Variants in ANAPC10 observed in about 807,000 individuals in gnomAD.
ANAPC10 encodes the protein anaphase-promoting complex subunit 10.
Under a neutral mutation model 22.0 loss-of-function variants are expected in ANAPC10, and 12 were observed. The ratio of observed to expected loss-of-function variants is 0.55; its 90% confidence interval spans 0.35 to 0.88. The LOEUF (loss-of-function observed/expected upper bound fraction) is 0.88. ANAPC10 is among the 40% of genes least tolerant of loss of function. The pLI is 0.01. For synonymous variants in ANAPC10, 65 were observed against 69.5 expected, an observed-to-expected ratio of 0.94 and a Z score of 0.32; for missense variants, 188 against 220.9, an observed-to-expected ratio of 0.85 and a Z score of 0.94.
At chr4:145,010,275 G>A (rs1039228581) in intron 4 of ANAPC10, among the ~76,000 whole-genome samples, 28 of 152,242 alleles carry the variant, frequency 1.8e-4, no homozygotes, top group Middle Eastern at 6.8e-3. Context: ...CAATTCCTCA[G>A]GGATCTAGAA....
chr4:145,092,404 T>C (rs1036284207), intron 2 of ANAPC10, among the ~76,000 whole-genome samples: 3 of 151,912 alleles, frequency 2.0e-5, no homozygotes, highest in African/African-American at 7.3e-5. Context: ...CCAGACAGCC[T>C]GAAATCCAGG....
In ANAPC10 at chr4:145,032,244, G is replaced by T. The variant is rs535357776; in HGVS notation, c.327+32328C>A. ...TAGGACATCCCTGAAGGACAGCGGT[G>T]AAAGGAAATCTTCCCAGTGGGCAGA... On this transcript the variant is annotated intron_variant, in intron 4 of 4. Transcript: ENST00000507656. 3.9e-5 allele frequency among the ~76,000 whole-genome samples: 6 copies of T among 152,350 alleles called. No homozygotes were observed. The East Asian group carries it at 9.6e-4, about 24-fold the overall frequency.
At chr4:145,044,924 G>A (rs1740068091) in intron 4 of ANAPC10, among the ~76,000 whole-genome samples, 1 of 151,810 alleles carries the variant, frequency 6.6e-6, no homozygotes, top group Non-Finnish European at 1.5e-5. Context: ...TGCCACATAA[G>A]TTGCACAGAG....
At chr4:145,007,864 C>G (rs981159937) in intron 4 of ANAPC10, among the ~76,000 whole-genome samples, 13 of 18,632 alleles carry the variant, frequency 7.0e-4, no homozygotes, top group South Asian at 5.9e-3. Context: ...CAAAAAAAAC[C>G]CTTCAAAAAA....
At chr4:145,035,271 G>T (rs1192858800) in intron 4 of ANAPC10, 2 of 152,150 alleles carry the variant, frequency 1.3e-5, no homozygotes, top group African/African-American at 2.4e-5. Context: ...TGTGTGCTTG[G>T]TCAAAGAGGA....
In ANAPC10 at chr4:145,081,767, T is replaced by C. The variant is rs754495302; in HGVS notation, c.116-17A>G. On this transcript the variant is annotated splice_polypyrimidine_tract_variant and intron_variant, in intron 2 of 4. Coordinates refer to ENST00000507656, the MANE Select transcript of ANAPC10 (RefSeq NM_001256706.2). ...CTCCAAATCCTAAAAACACCAAAAG[T>C]GTCAATAAATCCCTGTGAAAAAGAA... is the stretch of plus-strand genomic sequence containing the variant. The C allele has an allele frequency of 2.6e-6, 4 of 1,559,116 alleles. No individual in the cohort carries two copies. In the South Asian group the frequency reaches 3.4e-5, roughly 13 times the overall value.
At chr4:145,016,762 C>T (rs898893723) in intron 4 of ANAPC10, among the ~76,000 whole-genome samples, 2 of 152,080 alleles carry the variant, frequency 1.3e-5, no homozygotes, top group African/African-American at 4.8e-5. Flanking sequence ...GGTACTGGTA[C>T]CAAAACAGAT....
chr4:145,069,563 A>G (rs527281335), intron 3 of ANAPC10, among the ~76,000 whole-genome samples: 1 of 152,180 alleles, frequency 6.6e-6, no homozygotes, highest in Non-Finnish European at 1.5e-5. Flanking sequence ...TCCTCTTCAA[A>G]TACCTAAGAC....
chr4:145,057,708 C>T (rs941546458), intron 4 of ANAPC10, among the ~76,000 whole-genome samples: 4 of 152,164 alleles, frequency 2.6e-5, no homozygotes, highest in Middle Eastern at 3.2e-3. Context: ...ATCTCATTAT[C>T]TAAGTCCCTT....
At chr4:145,037,476 T>G (rs1738759580) in intron 4 of ANAPC10, among the ~76,000 whole-genome samples, 1 of 152,118 alleles carries the variant, frequency 6.6e-6, no homozygotes, top group Non-Finnish European at 1.5e-5. Flanking sequence ...AAACTAGCCT[T>G]TAAGTAAACG....
At chr4:145,040,838 G>A (rs1739401647) in intron 4 of ANAPC10, among the ~76,000 whole-genome samples, 1 of 152,178 alleles carries the variant, frequency 6.6e-6, no homozygotes, top group African/African-American at 2.4e-5. Flanking sequence ...ATGCTATAAA[G>A]AGATGTGGAA....
intron 3 of ANAPC10, among the ~76,000 whole-genome samples, chr4:145,068,385 C>A (rs320489): frequency 1.3e-5 from 2 of 151,976 alleles, no homozygotes; most frequent in South Asian, 4.1e-4. Flanking sequence ...CTAATAAACC[C>A]TAAGGTACAA....
chr4:145,084,724 G>A (rs1047647921), intron 2 of ANAPC10, among the ~76,000 whole-genome samples: 1 of 151,990 alleles, frequency 6.6e-6, no homozygotes, highest in Admixed American at 6.6e-5. Context: ...TGTCCAATAC[G>A]GTAGCCACTA....
chr4:145,000,207 C>A (rs1578857807), intron 4 of ANAPC10, among the ~76,000 whole-genome samples: 1 of 152,172 alleles, frequency 6.6e-6, no homozygotes, highest in Middle Eastern at 3.4e-3. Context: ...CAAATGGGAT[C>A]TAATTAAACT....
Position 144,995,579 on chromosome 4 carries a change from C to G in ANAPC10, c.352G>C (p.Gly118Arg), listed in dbSNP as rs762967341. 3.7e-6 allele frequency: 6 copies of G among 1,611,232 alleles called. No homozygotes were observed. In the Admixed American group the frequency reaches 1.0e-4, roughly 27 times the overall value. Residue 118 changes from glycine (G) to arginine (R), a missense_variant, in exon 5 of 5, where the codon GGC (glycine) becomes CGC (arginine). By Grantham distance (125) the Gly-to-Arg change is moderately radical. Coordinates refer to ENST00000507656, the MANE Select transcript of ANAPC10 (RefSeq NM_001256706.2). ...TCAGTTAAGGGAACATGAATCCAGC[C>G]ACTTGGTTCCACCAACTCAAGTTGC... The part of the protein sequence containing the change: ...IRQLELVEPS[G>R]WIHVPLTDNH...
chr4:145,063,312 A>G (rs182877761), intron 4 of ANAPC10, among the ~76,000 whole-genome samples: 2 of 152,300 alleles, frequency 1.3e-5, no homozygotes, highest in Admixed American at 6.5e-5. Flanking sequence ...TGAATATCTC[A>G]AAAGACAAAA....
chr4:145,010,687 A>G (rs1303907868), intron 4 of ANAPC10, among the ~76,000 whole-genome samples: 1 of 151,898 alleles, frequency 6.6e-6, no homozygotes, highest in Non-Finnish European at 1.5e-5. Context: ...GTGGGGAAAG[A>G]GGGGGAGGGA....
chr4:145,011,744 T>C (rs1346171741), intron 4 of ANAPC10, among the ~76,000 whole-genome samples: 2 of 152,162 alleles, frequency 1.3e-5, no homozygotes, highest in African/African-American at 4.8e-5. Flanking sequence ...CATGGCCTAT[T>C]TTTCCCTCAC....
At position 145,018,575 on chromosome 4, in the gene ANAPC10, T is replaced by C. The variant is rs1735553017; in HGVS notation, c.328-22972A>G. ...ATTGCTTTAACCTGAGAGGCAGAGT[T>C]TGCAGTGAGCCGAGATCGTGCCATT... On this transcript the variant is annotated intron_variant, in intron 4 of 4. Transcript: ENST00000507656. 2.0e-5 allele frequency among the ~76,000 whole-genome samples: 3 copies of C among 151,982 alleles called. No homozygotes were observed. In the South Asian group the frequency reaches 6.2e-4, roughly 32 times the overall value.
Sources: gnomAD v4.1 joint callset for allele counts (sites outside exome capture counted in the v4.1 genomes callset) on GRCh38, gnomAD v4.1.1 for gene constraint, MANE v1.5 for transcripts, NCBI Gene and HGNC (gene_info 2026-07-23, HGNC 2026-07-21) for gene names.